TAFA1: variants seen among roughly 807,000 people sequenced by gnomAD.
The protein encoded by TAFA1 is TAFA chemokine like family member 1, also known as chemokine-like protein TAFA-1.
Under a neutral mutation model 18.5 loss-of-function variants are expected in TAFA1, and 4 were observed. The ratio of observed to expected loss-of-function variants is 0.22; its 90% confidence interval spans 0.11 to 0.49. The LOEUF (loss-of-function observed/expected upper bound fraction) is 0.49, where lower values mean the gene tolerates loss of function less well. Among genes scored for constraint, TAFA1 ranks in the 20% least tolerant of loss-of-function variants. The pLI is 0.98. For synonymous variants in TAFA1, 56 were observed against 55.2 expected, an observed-to-expected ratio of 1.01 and a Z score of -0.06; for missense variants, 147 against 169.0, an observed-to-expected ratio of 0.87 and a Z score of 0.72.
chr3:68,154,421 C>T (rs2065842160), intron 2 of TAFA1, among the ~76,000 whole-genome samples: 2 of 152,180 alleles, frequency 1.3e-5, no homozygotes, highest in African/African-American at 4.8e-5. Flanking sequence ...GAGCATTCAG[C>T]CACCTCCTGC....
intron 2 of TAFA1, among the ~76,000 whole-genome samples, chr3:68,157,473 A>G (rs998899052): frequency 1.5e-4 from 23 of 152,212 alleles, no homozygotes; most frequent in Non-Finnish European, 5.9e-5. Context: ...TGGAAGGCAC[A>G]GGAGCAAACA....
intron 2 of TAFA1, among the ~76,000 whole-genome samples, chr3:68,036,990 C>T (rs1164333415): frequency 6.6e-6 from 1 of 152,100 alleles, no homozygotes; most frequent in Admixed American, 6.5e-5. Flanking sequence ...CTCTGAGACC[C>T]ATAGTCTAGT....
intron 2 of TAFA1, among the ~76,000 whole-genome samples, chr3:68,061,859 CA>C (rs1255917570): frequency 1.3e-5 from 2 of 152,124 alleles, no homozygotes; most frequent in Non-Finnish European, 2.9e-5. Flanking sequence ...ACCACTGGTG[CA>C]GCATGGTTTC....
chr3:68,308,595 T>A (rs2068461196), intron 2 of TAFA1, among the ~76,000 whole-genome samples: 1 of 152,184 alleles, frequency 6.6e-6, no homozygotes, highest in Non-Finnish European at 1.5e-5. Flanking sequence ...CATGTAAAAC[T>A]ACATAATGCA....
At chr3:68,318,652 C>T (rs1473974752) in intron 2 of TAFA1, among the ~76,000 whole-genome samples, 1 of 152,110 alleles carries the variant, frequency 6.6e-6, no homozygotes, top group African/African-American at 2.4e-5. Flanking sequence ...TACTTTGTTT[C>T]CAGTCTTTAT....
chr3:68,287,422 A>AGT (rs2068029564), intron 2 of TAFA1, among the ~76,000 whole-genome samples: 1 of 152,130 alleles, frequency 6.6e-6, no homozygotes, highest in African/African-American at 2.4e-5. Flanking sequence ...AGAACAGATG[A>AGT]GTTCCATTTG....
chr3:68,314,724 T>C (rs934842266), intron 2 of TAFA1, among the ~76,000 whole-genome samples: 2 of 152,048 alleles, frequency 1.3e-5, no homozygotes, highest in Non-Finnish European at 2.9e-5. Context: ...TTTACATGTA[T>C]AACCTGTGGT....
intron 3 of TAFA1, among the ~76,000 whole-genome samples, chr3:68,496,198 A>G (rs1386189292): frequency 6.6e-6 from 1 of 152,096 alleles, no homozygotes; most frequent in Non-Finnish European, 1.5e-5. Flanking sequence ...AAATTAGGAA[A>G]ACAGCCAGGA....
At chr3:68,124,095 A>G (rs1195255946) in intron 2 of TAFA1, among the ~76,000 whole-genome samples, 1 of 152,076 alleles carries the variant, frequency 6.6e-6, no homozygotes, top group Non-Finnish European at 1.5e-5. Context: ...GTTAGCCTTC[A>G]TGTATAGAGA....
At chr3:68,376,323 GT>G (rs369483671) in intron 2 of TAFA1, among the ~76,000 whole-genome samples, 22 of 146,278 alleles carry the variant, frequency 1.5e-4, no homozygotes, top group African/African-American at 3.5e-4. Flanking sequence ...TGTGTCATGG[GT>G]TTTTTTTTTA....
chr3:68,392,257 G>A (rs1162816976), intron 2 of TAFA1, among the ~76,000 whole-genome samples: 5 of 146,842 alleles, frequency 3.4e-5, no homozygotes, highest in Non-Finnish European at 6.0e-5. Flanking sequence ...GATCAAAAAA[G>A]ACAAAGAAGG....
chr3:68,026,706 G>T (rs747984269), intron 2 of TAFA1, among the ~76,000 whole-genome samples: 1 of 152,102 alleles, frequency 6.6e-6, no homozygotes, highest in Non-Finnish European at 1.5e-5. Context: ...TCAAACCCAG[G>T]CAGTCTCAGT....
chr3:68,385,544 T>A (rs1575823115), intron 2 of TAFA1, among the ~76,000 whole-genome samples: 1 of 152,250 alleles, frequency 6.6e-6, no homozygotes, highest in East Asian at 1.9e-4. Flanking sequence ...ACTATTCGTT[T>A]CTGCCTTGAA....
intron 3 of TAFA1, among the ~76,000 whole-genome samples, chr3:68,432,648 A>T (rs1430425624): frequency 6.6e-6 from 1 of 152,032 alleles, no homozygotes; most frequent in African/African-American, 2.4e-5. Context: ...AGGCATGATA[A>T]GAGGAGACAA....
chr3:68,003,047 A>C (rs1704301763), upstream of TAFA1, among the ~76,000 whole-genome samples: 1 of 152,232 alleles, frequency 6.6e-6, no homozygotes, highest in Non-Finnish European at 1.5e-5. Context: ...CAGATGTGAA[A>C]CATGCAACAC....
chr3:68,191,251 A>T (rs1026917430), intron 2 of TAFA1, among the ~76,000 whole-genome samples: 1 of 151,756 alleles, frequency 6.6e-6, no homozygotes, highest in Non-Finnish European at 1.5e-5. Flanking sequence ...GATATTCCTC[A>T]TATGGAATCC....
intron 2 of TAFA1, among the ~76,000 whole-genome samples, chr3:68,317,043 G>C (rs750104845): frequency 6.6e-6 from 1 of 151,918 alleles, no homozygotes; most frequent in Non-Finnish European, 1.5e-5. Flanking sequence ...AGCTGGTACA[G>C]GATAAGACAA....
chr3:68,055,126 G>C (rs1200576820), intron 2 of TAFA1, among the ~76,000 whole-genome samples: 2 of 152,074 alleles, frequency 1.3e-5, no homozygotes, highest in African/African-American at 4.8e-5. Flanking sequence ...AGTCAAAAAA[G>C]AGTTAATTAC....
chr3:68,407,903 C>T (rs1239375098), intron 2 of TAFA1, among the ~76,000 whole-genome samples: 1 of 152,174 alleles, frequency 6.6e-6, no homozygotes, highest in Non-Finnish European at 1.5e-5. Context: ...ATTTTGCCCT[C>T]CTCAACCAAA....
Sources: allele counts gnomAD v4.1 joint callset (sites outside exome capture counted in the v4.1 genomes callset), GRCh38; gene constraint gnomAD v4.1.1; transcripts MANE v1.5; gene names NCBI Gene and HGNC (gene_info 2026-07-23, HGNC 2026-07-21).